The following PCDHGB6 variants were observed in gnomAD, a reference collection of about 807,000 sequenced individuals.
The protein encoded by PCDHGB6 is protocadherin gamma subfamily B, 6.
In PCDHGB6, 51 loss-of-function variants were observed where a neutral mutation model predicts 59.1. The ratio of observed to expected loss-of-function variants is 0.86; its 90% CI spans 0.69 to 1.09. The LOEUF is 1.09. PCDHGB6 is among the 50% of genes least tolerant of loss of function. PCDHGB6 has a pLI of 0.00. For synonymous variants in PCDHGB6, 466 were observed against 495.1 expected, an observed-to-expected ratio of 0.94 and a Z score of 0.78; for missense variants, 1,148 against 1,205.1, an observed-to-expected ratio of 0.95 and a Z score of 0.70.
intron 1 of PCDHGB6, among the ~76,000 whole-genome samples, chr5:141,460,983 GTATATA>G (rs59296681): frequency 0.23 from 32,081 of 137,558 alleles, 4,351 homozygotes; most frequent in African/African-American, 0.39. Context: ...GTGTGTGTGT[GTATATA>G]TATATATGTG....
intron 1 of PCDHGB6, chr5:141,427,050 G>A (rs974721070): frequency 4.4e-6 from 2 of 457,372 alleles, no homozygotes; most frequent in Non-Finnish European, 4.4e-6. Flanking sequence ...TGTGCCCCCA[G>A]GCACCTCTGT....
intron 1 of PCDHGB6, among the ~76,000 whole-genome samples, chr5:141,449,331 G>T (rs1054980032): frequency 3.3e-5 from 5 of 151,950 alleles, no homozygotes; most frequent in Admixed American, 3.3e-4. Flanking sequence ...TGTAGGCCAG[G>T]TGCAGTGGCT....
intron 2 of PCDHGB6, among the ~76,000 whole-genome samples, chr5:141,502,337 T>C (rs1562205634): frequency 6.6e-6 from 1 of 152,184 alleles, no homozygotes; most frequent in Admixed American, 6.5e-5. Flanking sequence ...CCCAGTCTTT[T>C]TATTTTTTTA....
In PCDHGB6 at chr5:141,409,203, T is replaced by TC; in HGVS notation, c.1002dup (p.Ile335HisfsTer5). 1 of 1,613,964 alleles carries TC rather than the reference T, an allele frequency of 6.2e-7. No homozygotes were observed. Among genetic ancestry groups the TC allele is most frequent in the Non-Finnish European group, 8.5e-7 (1 of 1,179,878 alleles). ...GGTCTCTCTACCCAGTGTAAAGTAA[T>TC]CATAGAAATCCTTGATGAAAACGAC... On this transcript the variant is annotated frameshift_variant, in exon 1 of 4. Transcript: ENST00000520790. LOFTEE classifies it high-confidence loss of function.
Position 141,415,396 on chromosome 5 carries a change from G to A in PCDHGB6, c.2418+4776G>A, listed in dbSNP as rs11575962. 4,865 of 1,614,204 alleles carry A rather than the reference G, an allele frequency of 3.0e-3. 27 individuals are homozygous for A. The highest frequency in any genetic ancestry group is 0.011 in the Admixed American group (656 of 60,024). ...AGGAGGCGGCTTGACAGGTGTGTCC[G>A]GCTCGCACTTTGTGGGCGTGGACGG... On this transcript the variant is annotated intron_variant, in intron 1 of 3. Coordinates refer to ENST00000520790, the MANE Select transcript of PCDHGB6 (RefSeq NM_018926.3).
At chr5:141,435,875 T>C (rs1324511823) in intron 1 of PCDHGB6, among the ~76,000 whole-genome samples, 1 of 152,100 alleles carries the variant, frequency 6.6e-6, no homozygotes, top group African/African-American at 2.4e-5. Flanking sequence ...AGAAAAGAGA[T>C]TGGAAACCCC....
At chr5:141,428,305 G>A (rs751498223) in intron 1 of PCDHGB6, 8 of 694,348 alleles carry the variant, frequency 1.2e-5, no homozygotes, top group African/African-American at 1.8e-5. Flanking sequence ...GATTTACCTG[G>A]TCGTGGCCTT....
intron 1 of PCDHGB6, among the ~76,000 whole-genome samples, chr5:141,454,194 G>A (rs949915652): frequency 6.6e-5 from 10 of 152,304 alleles, no homozygotes; most frequent in Non-Finnish European, 4.4e-5. Context: ...CTTAGTGAAG[G>A]TGAATTTATT....
At chr5:141,496,329 C>T (rs1435070517) in intron 2 of PCDHGB6, among the ~76,000 whole-genome samples, 2 of 152,186 alleles carry the variant, frequency 1.3e-5, no homozygotes, top group South Asian at 4.1e-4. Context: ...AGTTAGAAGT[C>T]AGGAGCCTGG....
At chr5:141,439,737 A>T (rs947754447) in intron 1 of PCDHGB6, 4 of 152,382 alleles carry the variant, frequency 2.6e-5, no homozygotes, top group Non-Finnish European at 5.9e-5. Flanking sequence ...CAGGAACGGA[A>T]CGGATTTACA....
chr5:141,476,744 C>A lies in PCDHGB6; in HGVS notation c.2419-18063C>A, dbSNP rs1168392300. ...CCTGGACCGAGAACGGGAGCCTAGT[C>A]TCCAGTTAGTGCTGACGGCGTTGGA... On this transcript the variant is annotated intron_variant, in intron 1 of 3. Coordinates refer to ENST00000520790, the MANE Select transcript of PCDHGB6 (RefSeq NM_018926.3). The surrounding 1 kb of genome is among the most constrained non-coding windows in gnomAD (Gnocchi z 7.6). 1.2e-6 allele frequency: 2 copies of A among 1,614,046 alleles called. No individual in the cohort carries two copies. Among genetic ancestry groups the A allele is most frequent in the Admixed American group, 3.3e-5 (2 of 60,034 alleles).
chr5:141,476,446 G>A lies in PCDHGB6; in HGVS notation c.2419-18361G>A. On this transcript the variant is annotated intron_variant, in intron 1 of 3. Transcript: ENST00000520790. This position sits in a 1 kb window ranked among gnomAD's most constrained non-coding sequence, Gnocchi z 7.6. Reference sequence around the variant, plus strand: ...CCTCTTGCACTGTAACTCTGGAGTTGGTAGTGGAGAACCCGCTGGAGCTGT... The same window carrying A: ...CCTCTTGCACTGTAACTCTGGAGTTAGTAGTGGAGAACCCGCTGGAGCTGT... 6.2e-7 allele frequency: 1 copy of A among 1,614,144 alleles called. No homozygotes were observed. Among genetic ancestry groups the A allele is most frequent in the South Asian group, 1.1e-5 (1 of 91,072 alleles).
Position 141,489,557 on chromosome 5 carries a change from T to C in PCDHGB6, c.2419-5250T>C, listed in dbSNP as rs150797955. 54 of 1,613,956 alleles carry C rather than the reference T, an allele frequency of 3.3e-5. 1 individual carries two copies. Among genetic ancestry groups the C allele is most frequent in the Non-Finnish European group, 4.3e-5 (51 of 1,180,004 alleles). On this transcript the variant is annotated intron_variant, in intron 1 of 3. Coordinates refer to ENST00000520790, the MANE Select transcript of PCDHGB6 (RefSeq NM_018926.3). The surrounding 1 kb of genome is among the most constrained non-coding windows in gnomAD (Gnocchi z 4.5). ...GCCAGCACCAGCTGCCTGCTGCCAG[T>C]GCAGGTGGTGACTGAACACCCCCTG...
chr5:141,432,452 C>G lies in PCDHGB6; in HGVS notation c.2418+21832C>G. The G allele has an allele frequency of 6.2e-7, 1 of 1,614,212 alleles. No individual in the cohort carries two copies. The highest frequency in any genetic ancestry group is 8.5e-7 in the Non-Finnish European group (1 of 1,180,042). On this transcript the variant is annotated intron_variant, in intron 1 of 3. Coordinates refer to ENST00000520790, the MANE Select transcript of PCDHGB6 (RefSeq NM_018926.3). The surrounding 1 kb of genome is among the most constrained non-coding windows in gnomAD (Gnocchi z 6.0). ...CGACAATGCGCCCGAGATCCTGTACCCCGCCCTCCCCACGGACGGTTCCAC... is the reference window on the plus strand; with the variant it reads ...CGACAATGCGCCCGAGATCCTGTACGCCGCCCTCCCCACGGACGGTTCCAC...
chr5:141,464,394 G>A (rs1277856342), intron 1 of PCDHGB6, among the ~76,000 whole-genome samples: 1 of 150,654 alleles, frequency 6.6e-6, no homozygotes. Context: ...TGCTAATGAA[G>A]AACCTGAGAT....
rs953182246 is a variant in PCDHGB6, at chr5:141,511,757, C to T, written c.*584C>T. ...CTCAAGTTTTGGAGGACATGATCAC[C>T]ATCCCCATGGTACTGATGCTTGCTG... is the stretch of plus-strand genomic sequence containing the variant. On this transcript the variant is annotated 3_prime_UTR_variant, in exon 4 of 4. Coordinates refer to ENST00000520790, the MANE Select transcript of PCDHGB6 (RefSeq NM_018926.3). The T allele has an allele frequency of 6.9e-5, 12 of 174,122 alleles. No individual in the cohort carries two copies. The highest frequency in any genetic ancestry group is 2.8e-4 in the African/African-American group (12 of 42,412). The allele number at this position is 174,122 out of a possible 1,614,324, so 10.8% of individuals were successfully genotyped here.
chr5:141,431,239 G>A lies in PCDHGB6; in HGVS notation c.2418+20619G>A. 6.2e-7 allele frequency: 1 copy of A among 1,614,152 alleles called. No homozygotes were observed. The highest frequency in any genetic ancestry group is 1.3e-5 in the African/African-American group (1 of 75,062). On this transcript the variant is annotated intron_variant, in intron 1 of 3. Transcript: ENST00000520790. This position sits in a 1 kb window ranked among gnomAD's most constrained non-coding sequence, Gnocchi z 4.8. ...TCCCTCTACCCCACGCCTGGGATCC[G>A]GATATCGGGAAGAACTCTCTGCAGA...
intron 1 of PCDHGB6, among the ~76,000 whole-genome samples, chr5:141,453,310 T>C (rs566320120): frequency 6.6e-6 from 1 of 152,044 alleles, no homozygotes; most frequent in South Asian, 2.1e-4. Context: ...TTTATTTATT[T>C]ATTTTAGAGA....
At chr5:141,437,896 C>T (rs943440712) in intron 1 of PCDHGB6, among the ~76,000 whole-genome samples, 2 of 152,128 alleles carry the variant, frequency 1.3e-5, no homozygotes, top group African/African-American at 4.8e-5. Flanking sequence ...CGCCACCACA[C>T]CCAGCTAATT....
Sources: allele counts gnomAD v4.1 joint callset (sites outside exome capture counted in the v4.1 genomes callset), GRCh38; gene constraint gnomAD v4.1.1; non-coding constraint Gnocchi (gnomAD v3.1); transcripts MANE v1.5; gene names NCBI Gene and HGNC (gene_info 2026-07-23, HGNC 2026-07-21).